AP1G1: variants seen among roughly 807,000 people sequenced by gnomAD.
The protein encoded by AP1G1 is AP-1 complex subunit gamma-1.
Under a neutral mutation model 108.3 loss-of-function variants are expected in AP1G1, and 7 were observed. The ratio of observed to expected loss-of-function variants is 0.06; its 90% CI spans 0.04 to 0.12. AP1G1 has a LOEUF of 0.12. AP1G1 is among the 10% of genes least tolerant of loss of function. The pLI is 1.00. For synonymous variants in AP1G1, 379 were observed against 353.5 expected (o/e 1.07, Z -0.81); for missense variants, 756 against 1,010.7 (o/e 0.75, Z 3.42).
At chr16:71,800,793 T>C (rs1475064132) in intron 1 of AP1G1, among the ~76,000 whole-genome samples, 1 of 141,014 alleles carries the variant, frequency 7.1e-6, no homozygotes, top group African/African-American at 2.7e-5. Flanking sequence ...ACAGCGAGAC[T>C]CCGTCTCAAA....
intron 21 of AP1G1, 57 bp downstream of exon 21, chr16:71,738,885 A>C (rs1231619763): frequency 3.3e-6 from 5 of 1,512,348 alleles, no homozygotes; most frequent in Non-Finnish European, 4.5e-6. Flanking sequence ...ACACATGAAA[A>C]AAAAAAGCCA....
Position 71,798,020 on chromosome 16 carries a change from T to C in AP1G1, c.-3-8538A>G, listed in dbSNP as rs191370873. 8.8e-3 allele frequency among the ~76,000 whole-genome samples: 1,342 copies of C among 152,140 alleles called. 24 individuals are homozygous for C. The highest frequency in any genetic ancestry group is 9.5e-3 in the Non-Finnish European group (646 of 67,980). ...GACAATAGTGTCAAAATAAAATACGTAGGAATAAATTTAGTAAGAAAGGTA... is the reference window on the plus strand; with the variant it reads ...GACAATAGTGTCAAAATAAAATACGCAGGAATAAATTTAGTAAGAAAGGTA... On this transcript the variant is annotated intron_variant, in intron 1 of 22. Coordinates refer to ENST00000299980, the MANE Select transcript of AP1G1 (RefSeq NM_001128.6).
At chr16:71,804,408 ATTT>A (rs71153664) in intron 1 of AP1G1, among the ~76,000 whole-genome samples, 6 of 124,746 alleles carry the variant, frequency 4.8e-5, no homozygotes, top group Admixed American at 8.7e-5. Flanking sequence ...TGCTCTCTTA[ATTT>A]TTTTTTTTTT....
rs946662542 is a variant in AP1G1, at chr16:71,731,437, T to C, written c.*1621A>G. The C allele has an allele frequency of 6.5e-6, 1 of 152,678 alleles. No individual in the cohort carries two copies. Among genetic ancestry groups the C allele is most frequent in the Non-Finnish European group, 1.5e-5 (1 of 68,046 alleles). The allele number at this position is 152,678 out of a possible 1,614,324, so 9.5% of individuals were successfully genotyped here. A position where few individuals can be genotyped will look rare whatever the true frequency, so the allele number is the denominator to read the frequency against. On this transcript the variant is annotated 3_prime_UTR_variant, in exon 23 of 23. Coordinates refer to ENST00000299980, the MANE Select transcript of AP1G1 (RefSeq NM_001128.6). The stretch of plus-strand genomic sequence containing the variant: ...GTGAAATGAAGGGGAAAAAAAGGGA[T>C]ATTTGTTTCCAGGTTTAAGATTGAA...
At chr16:71,763,761 G>T (rs570013888) in intron 9 of AP1G1, among the ~76,000 whole-genome samples, 1 of 152,248 alleles carries the variant, frequency 6.6e-6, no homozygotes, top group East Asian at 1.9e-4. Context: ...TAGTAAATTT[G>T]CTTTTTACAA....
At chr16:71,763,770 A>G (rs1451846507) in intron 9 of AP1G1, among the ~76,000 whole-genome samples, 7 of 152,240 alleles carry the variant, frequency 4.6e-5, no homozygotes. Flanking sequence ...TGCTTTTTAC[A>G]AGGCTATAGG....
At chr16:71,783,192 TATC>T (rs2032086814) in intron 2 of AP1G1, among the ~76,000 whole-genome samples, 2 of 152,180 alleles carry the variant, frequency 1.3e-5, no homozygotes, top group Admixed American at 6.6e-5. Flanking sequence ...GAGTGGCTAT[TATC>T]ATCACTTATT....
chr16:71,733,248 G>A (rs1019707164), intron 22 of AP1G1, 89 bp from the exon 23 acceptor site: 1 of 1,047,478 alleles, frequency 9.5e-7, no homozygotes, highest in East Asian at 2.5e-5. Flanking sequence ...TAATCTTAGA[G>A]GTCAAAACTT....
chr16:71,738,459 T>G (rs890289624), intron 21 of AP1G1, among the ~76,000 whole-genome samples: 2 of 152,204 alleles, frequency 1.3e-5, no homozygotes, highest in African/African-American at 2.4e-5. Context: ...GTATCTATAA[T>G]AAATTGGATG....
chr16:71,741,306 G>A (rs1251224655), intron 19 of AP1G1, among the ~76,000 whole-genome samples: 1 of 152,206 alleles, frequency 6.6e-6, no homozygotes, highest in African/African-American at 2.4e-5. Flanking sequence ...TGACAGGCTG[G>A]GCGCGATGGC....
intron 10 of AP1G1, among the ~76,000 whole-genome samples, chr16:71,759,232 G>A (rs1442257047): frequency 1.3e-5 from 2 of 152,170 alleles, no homozygotes; most frequent in Non-Finnish European, 2.9e-5. Context: ...GCCGAGGCAG[G>A]TGGATACCTG....
At chr16:71,798,176 T>G (rs568868558) in intron 1 of AP1G1, among the ~76,000 whole-genome samples, 1 of 152,256 alleles carries the variant, frequency 6.6e-6, no homozygotes, top group African/African-American at 2.4e-5. Context: ...CTGGGTGCGG[T>G]GGCTCACGCC....
chr16:71,776,677 T>C (rs2031789730), intron 2 of AP1G1, among the ~76,000 whole-genome samples: 1 of 152,218 alleles, frequency 6.6e-6, no homozygotes, highest in Non-Finnish European at 1.5e-5. Flanking sequence ...CTCCAAGCAT[T>C]ACACAGATAA....
intron 1 of AP1G1, among the ~76,000 whole-genome samples, chr16:71,801,816 G>A (rs1308625714): frequency 1.3e-5 from 2 of 151,852 alleles, no homozygotes; most frequent in Non-Finnish European, 2.9e-5. Context: ...CAGCTACTCT[G>A]GAGACTGAGG....
At chr16:71,785,968 C>G (rs1185455836) in intron 2 of AP1G1, among the ~76,000 whole-genome samples, 1 of 151,912 alleles carries the variant, frequency 6.6e-6, no homozygotes, top group Non-Finnish European at 1.5e-5. Flanking sequence ...TAGATATGAA[C>G]CTTTTAAAGG....
At chr16:71,754,179 C>T (rs1389746878) in intron 12 of AP1G1, among the ~76,000 whole-genome samples, 1 of 146,094 alleles carries the variant, frequency 6.8e-6, no homozygotes, top group Non-Finnish European at 1.5e-5. Context: ...GTTGAGGCTA[C>T]AGTGAGAAAG....
chr16:71,769,776 A>T, intron 5 of AP1G1, 77 bp from the exon 6 acceptor site: 2 of 1,224,374 alleles, frequency 1.6e-6, no homozygotes, highest in South Asian at 1.2e-5. Flanking sequence ...TGAGTTCCTG[A>T]AGGTCAATTC....
chr16:71,808,553 C>A, intron 1 of AP1G1: 1 of 1,288,032 alleles, frequency 7.8e-7, no homozygotes, highest in Non-Finnish European at 1.0e-6. Flanking sequence ...CGGAACCTCC[C>A]GGTCCGAGGC....
At chr16:71,736,610 G>T (rs749281287) in intron 21 of AP1G1, among the ~76,000 whole-genome samples, 10 of 143,498 alleles carry the variant, frequency 7.0e-5, no homozygotes, top group Non-Finnish European at 1.5e-4. Context: ...TTTTTGAGAC[G>T]AGTCTCGCTC....
Sources: gnomAD v4.1 joint callset for allele counts (sites outside exome capture counted in the v4.1 genomes callset) on GRCh38, gnomAD v4.1.1 for gene constraint, MANE v1.5 for transcripts, NCBI Gene and HGNC (gene_info 2026-07-23, HGNC 2026-07-21) for gene names.